Variants in ADAM2 observed in about 807,000 individuals in gnomAD.
The protein encoded by ADAM2 is ADAM metallopeptidase domain 2, also known as disintegrin and metalloproteinase domain-containing protein 2.
ADAM2 carries 101 observed loss-of-function variants against 99.3 expected under a neutral mutation model. The ratio of observed to expected loss-of-function variants is 1.02; its 90% CI spans 0.87 to 1.20. The LOEUF (loss-of-function observed/expected upper bound fraction) is 1.20. Ranked by LOEUF, ADAM2 falls within the 50% of genes most tolerant of loss-of-function variation. ADAM2 has a pLI of 0.00. For synonymous variants in ADAM2, 323 were observed against 287.6 expected, an observed-to-expected ratio of 1.12 and a Z score of -1.25; for missense variants, 948 against 878.7, an observed-to-expected ratio of 1.08 and a Z score of -1.00.
At chr8:39,753,534 C>T (rs913644677) in intron 16 of ADAM2, among the ~76,000 whole-genome samples, 1 of 152,134 alleles carries the variant, frequency 6.6e-6, no homozygotes, top group African/African-American at 2.4e-5. Context: ...GAAAATGTCT[C>T]CAAGGCATAT....
chr8:39,774,649 TA>T (rs1257837773), intron 11 of ADAM2: 2 of 152,062 alleles, frequency 1.3e-5, no homozygotes. Flanking sequence ...TCAGGCAACC[TA>T]ACAAAATTAC....
At chr8:39,784,519 C>T (rs1051085070) in intron 10 of ADAM2, among the ~76,000 whole-genome samples, 1 of 152,068 alleles carries the variant, frequency 6.6e-6, no homozygotes, top group African/African-American at 2.4e-5. Context: ...CAGGGGCCTT[C>T]CACCATGCCT....
chr8:39,812,676 TTC>T (rs1804755582), intron 6 of ADAM2, among the ~76,000 whole-genome samples: 2 of 149,822 alleles, frequency 1.3e-5, no homozygotes, highest in Non-Finnish European at 3.0e-5. Context: ...GAAATGGTTT[TTC>T]CCTATTTAAT....
At chr8:39,816,010 A>G (rs1310736184) in intron 6 of ADAM2, among the ~76,000 whole-genome samples, 1 of 152,062 alleles carries the variant, frequency 6.6e-6, no homozygotes, top group Non-Finnish European at 1.5e-5. Flanking sequence ...AAAAATGTGG[A>G]GGAGGTCAGG....
intron 12 of ADAM2, among the ~76,000 whole-genome samples, chr8:39,768,609 T>A (rs1440645438): frequency 6.6e-6 from 1 of 152,222 alleles, no homozygotes; most frequent in Non-Finnish European, 1.5e-5. Flanking sequence ...CTAGGTTTTC[T>A]GGCTCCATAG....
Position 39,744,870 on chromosome 8 carries a change from G to C in ADAM2, c.2198C>G (p.Pro733Arg), listed in dbSNP as rs144646998. Residue 733 changes from proline to arginine, a missense_variant, in exon 20 of 21, where the codon CCT becomes CGT. Coordinates refer to ENST00000265708, the MANE Select transcript of ADAM2 (RefSeq NM_001464.5). The stretch of plus-strand genomic sequence containing the variant: ...TCTCTGTTGTCCAGACTACCCTTTA[G>C]GTTCACTCTCACTTTCAGGTTGCCT... ...SDEQPESESE[P>R]KG 1.2e-6 allele frequency: 2 copies of C among 1,601,654 alleles called. No individual in the cohort carries two copies. The highest frequency in any genetic ancestry group is 1.3e-5 in the African/African-American group (1 of 74,286).
In ADAM2 at chr8:39,756,657, C is replaced by A. The variant is rs145921451; in HGVS notation, c.1614-746G>T. On this transcript the variant is annotated intron_variant, in intron 15 of 20. Transcript: ENST00000265708. Reference sequence around the variant, plus strand: ...TGATGAAAATCTAAATGTCTTCAAGCAATTTTCTATGGCCTGAACTTTTCT... The same window carrying A: ...TGATGAAAATCTAAATGTCTTCAAGAAATTTTCTATGGCCTGAACTTTTCT... Among the ~76,000 whole-genome samples, 198 of 152,298 alleles carry A rather than the reference C, an allele frequency of 1.3e-3. 1 individual carries two copies. Among genetic ancestry groups the A allele is most frequent in the African/African-American group, 4.7e-3 (195 of 41,554 alleles).
intron 10 of ADAM2, among the ~76,000 whole-genome samples, chr8:39,782,588 A>G (rs943105677): frequency 6.6e-6 from 1 of 152,066 alleles, no homozygotes; most frequent in Admixed American, 6.6e-5. Flanking sequence ...GGTGATGCAG[A>G]TTTACTTTTC....
At chr8:39,804,400 A>G (rs1804351056) in intron 7 of ADAM2, among the ~76,000 whole-genome samples, 2 of 152,200 alleles carry the variant, frequency 1.3e-5, no homozygotes. Flanking sequence ...ATGGAAAAGG[A>G]CAATGCAAAA....
rs536393120 is a variant in ADAM2, at chr8:39,747,893, T to C, written c.2015-1262A>G. On this transcript the variant is annotated intron_variant, in intron 18 of 20. Transcript: ENST00000265708. ...TCAACATGTACTAAGACTTCAATAG[T>C]TTCCTGCCTTTCTGTCTTCCATGCA... is the stretch of plus-strand genomic sequence containing the variant. 7.2e-5 allele frequency among the ~76,000 whole-genome samples: 11 copies of C among 152,308 alleles called. No homozygotes were observed. In the South Asian group the frequency reaches 8.3e-4, roughly 11 times the overall value.
At position 39,821,157 on chromosome 8, in the gene ADAM2, A is replaced by C; in HGVS notation, c.358T>G (p.Phe120Val). The stretch of plus-strand genomic sequence containing the variant: ...TCTATTCCATAACTAACATTTTCAA[A>C]CTGTAGTACGCCCCTAAAAATTTCA... The part of the protein sequence containing the change: ...TCTGLRGVLQ[F>V]ENVSYGIEPL... Residue 120 changes from phenylalanine to valine, a missense_variant, in exon 6 of 21, where the codon TTT becomes GTT. Coordinates refer to ENST00000265708, the MANE Select transcript of ADAM2 (RefSeq NM_001464.5). The C allele has an allele frequency of 6.3e-7, 1 of 1,594,286 alleles. No homozygotes were observed. Among genetic ancestry groups the C allele is most frequent in the Non-Finnish European group, 8.5e-7 (1 of 1,172,760 alleles).
At chr8:39,756,413 A>T (rs903432845) in intron 15 of ADAM2, among the ~76,000 whole-genome samples, 1 of 152,194 alleles carries the variant, frequency 6.6e-6, no homozygotes, top group Non-Finnish European at 1.5e-5. Context: ...CCTACAGATT[A>T]ATGTGAGCAT....
At chr8:39,748,665 A>C (rs1237215468) in intron 18 of ADAM2, among the ~76,000 whole-genome samples, 3 of 152,120 alleles carry the variant, frequency 2.0e-5, no homozygotes, top group Non-Finnish European at 4.4e-5. Context: ...GATCAATATC[A>C]CAGGGAACCG....
intron 14 of ADAM2, among the ~76,000 whole-genome samples, chr8:39,762,790 C>G (rs1802420459): frequency 6.6e-6 from 1 of 152,082 alleles, no homozygotes; most frequent in South Asian, 2.1e-4. Flanking sequence ...CCTAGCCAGC[C>G]CCACAATCTG....
intron 18 of ADAM2, among the ~76,000 whole-genome samples, chr8:39,747,345 A>G (rs149013484): frequency 6.6e-6 from 1 of 152,290 alleles, no homozygotes; most frequent in Non-Finnish European, 1.5e-5. Flanking sequence ...CACACTCGCA[A>G]ATCTCTTTGA....
At chr8:39,769,854 T>A (rs1476967443) in intron 11 of ADAM2, among the ~76,000 whole-genome samples, 1 of 152,186 alleles carries the variant, frequency 6.6e-6, no homozygotes, top group African/African-American at 2.4e-5. Flanking sequence ...AAGTGCCCCA[T>A]GCTGTTTCAT....
At chr8:39,824,154 A>G (rs568528702) in intron 4 of ADAM2, among the ~76,000 whole-genome samples, 7 of 151,772 alleles carry the variant, frequency 4.6e-5, no homozygotes, top group African/African-American at 1.7e-4. Context: ...ATGGTGACAC[A>G]TGCCTGTAAT....
intron 14 of ADAM2, 141 bp from the exon 15 acceptor site, chr8:39,761,422 A>G (rs1222035439): frequency 4.2e-6 from 2 of 477,926 alleles, no homozygotes; most frequent in Admixed American, 3.9e-5. Context: ...AATAAAAACT[A>G]GATTTAAGAT....
intron 10 of ADAM2, among the ~76,000 whole-genome samples, chr8:39,783,701 C>T (rs113337489): frequency 0.014 from 2,181 of 152,198 alleles, 58 homozygotes; most frequent in African/African-American, 0.05. Flanking sequence ...CCTGTAATCC[C>T]GGCACTTTGG....
Sources: gnomAD v4.1 joint callset for allele counts (sites outside exome capture counted in the v4.1 genomes callset) on GRCh38, gnomAD v4.1.1 for gene constraint, MANE v1.5 for transcripts, NCBI Gene and HGNC (gene_info 2026-07-23, HGNC 2026-07-21) for gene names.